The following LRRC8C variants were observed in gnomAD, a reference collection of about 807,000 sequenced individuals.
LRRC8C encodes the protein volume-regulated anion channel subunit LRRC8C.
LRRC8C carries 20 observed loss-of-function variants against 55.3 expected under a neutral mutation model. The ratio of observed to expected loss-of-function variants is 0.36; its 90% CI spans 0.25 to 0.53. The LOEUF (loss-of-function observed/expected upper bound fraction) is 0.53. Ranked by LOEUF, LRRC8C falls within the 20% of genes least tolerant of loss-of-function variation. The pLI, the probability that LRRC8C is intolerant of heterozygous loss-of-function variation, is 0.92. For missense variants in LRRC8C, 659 were observed against 951.4 expected (o/e 0.69, Z 4.04); for synonymous variants, 376 against 360.7 (o/e 1.04, Z -0.48).
At chr1:89,617,787 G>A in the LRRC8C span, among the ~76,000 whole-genome samples, 1 of 152,044 alleles carries the variant, frequency 6.6e-6, no homozygotes, top group Non-Finnish European at 1.5e-5. Flanking sequence ...ACCCTCTCAG[G>A]TTCAGTCACT....
At chr1:89,623,721 CA>C in the LRRC8C span, among the ~76,000 whole-genome samples, 5 of 141,924 alleles carry the variant, frequency 3.5e-5, no homozygotes, top group Non-Finnish European at 3.1e-5. Context: ...GACTCCATCT[CA>C]AAAAAAAAAG....
chr1:89,618,351 A>T, the LRRC8C span, among the ~76,000 whole-genome samples: 2 of 152,236 alleles, frequency 1.3e-5, no homozygotes, highest in African/African-American at 4.8e-5. Context: ...TCCTACTGAG[A>T]TTTACAAACC....
the LRRC8C span, among the ~76,000 whole-genome samples, chr1:89,625,691 C>A: frequency 3.3e-5 from 5 of 152,318 alleles, no homozygotes; most frequent in African/African-American, 1.2e-4. Flanking sequence ...ATGTGAGTAA[C>A]AAGAGCATCT....
intron 1 of LRRC8C, among the ~76,000 whole-genome samples, chr1:89,670,694 A>G (rs1657390817): frequency 6.6e-6 from 1 of 152,244 alleles, no homozygotes. Flanking sequence ...TAGCTTTTGA[A>G]TAGCAAGTTG....
chr1:89,699,257 G>A lies in LRRC8C; in HGVS notation c.138+12646G>A, dbSNP rs542531903. On this transcript the variant is annotated intron_variant, in intron 2 of 2. Transcript: ENST00000370454. ...GGGAGGGATAAGTAGGTATAGCTCA[G>A]AAGACTTTTAGGGCAGTGAAATGAC... Among the ~76,000 whole-genome samples the A allele has an allele frequency of 9.2e-5, 14 of 152,298 alleles. No individual in the cohort carries two copies. The East Asian group carries it at 2.7e-3, about 29-fold the overall frequency.
At chr1:89,711,585 C>T (rs1037680056) in intron 2 of LRRC8C, among the ~76,000 whole-genome samples, 1 of 152,174 alleles carries the variant, frequency 6.6e-6, no homozygotes, top group Non-Finnish European at 1.5e-5. Flanking sequence ...TAACATAGGC[C>T]TCCTCCTGAA....
At chr1:89,707,284 G>A (rs1658509075) in intron 2 of LRRC8C, among the ~76,000 whole-genome samples, 1 of 152,106 alleles carries the variant, frequency 6.6e-6, no homozygotes, top group African/African-American at 2.4e-5. Context: ...GCACACACCT[G>A]TAGTCCCAGC....
chr1:89,616,801 A>G, the LRRC8C span, among the ~76,000 whole-genome samples: 2 of 152,330 alleles, frequency 1.3e-5, no homozygotes, highest in Admixed American at 6.5e-5. Flanking sequence ...TTAACTTACT[A>G]TGAGATCTCA....
chr1:89,714,629 TACTTGG>T lies in LRRC8C; in HGVS notation c.2064_2069del (p.Asp689_Leu690del). ...CCTCTTCCTATGCAACAAGATCCGA[TACTTGG>T]ACTTATCGTACAATGACATTCGATT... On this transcript the variant is annotated inframe_deletion, in exon 3 of 3. Coordinates refer to ENST00000370454, the MANE Select transcript of LRRC8C (RefSeq NM_032270.5). This position sits in a 1 kb window ranked among gnomAD's most constrained non-coding sequence, Gnocchi z 4.6. 6.2e-7 allele frequency: 1 copy of T among 1,614,178 alleles called. No individual in the cohort carries two copies. Among genetic ancestry groups the T allele is most frequent in the East Asian group, 2.2e-5 (1 of 44,890 alleles).
intron 2 of LRRC8C, among the ~76,000 whole-genome samples, chr1:89,704,046 A>G (rs556914545): frequency 6.6e-6 from 1 of 152,266 alleles, no homozygotes; most frequent in Admixed American, 6.5e-5. Flanking sequence ...ATTAGATAGC[A>G]TTTAGCCCTC....
At chr1:89,699,065 C>T (rs114661114) in intron 2 of LRRC8C, among the ~76,000 whole-genome samples, 1,722 of 152,020 alleles carry the variant, frequency 0.011, 32 homozygotes, top group African/African-American at 0.038. Flanking sequence ...AAAAAATAAA[C>T]GGTCAAGCTA....
Position 89,716,503 on chromosome 1 carries a change from G to A in LRRC8C, c.*1521G>A, listed in dbSNP as rs1046207578. On this transcript the variant is annotated 3_prime_UTR_variant, in exon 3 of 3. Coordinates refer to ENST00000370454, the MANE Select transcript of LRRC8C (RefSeq NM_032270.5). Reference sequence around the variant, plus strand: ...AATAATTTTTGCCTGACCATCAGCAGAGCTTTTATTTACCTTTGTAATTAA... The same window carrying A: ...AATAATTTTTGCCTGACCATCAGCAAAGCTTTTATTTACCTTTGTAATTAA... 3 of 152,176 alleles carry A rather than the reference G, an allele frequency of 2.0e-5. No individual in the cohort carries two copies. Among genetic ancestry groups the A allele is most frequent in the Non-Finnish European group, 4.4e-5 (3 of 68,022 alleles). The allele number at this position is 152,176 out of a possible 1,614,324, so 9.4% of individuals were successfully genotyped here.
At chr1:89,662,784 C>T (rs930441807) in intron 1 of LRRC8C, among the ~76,000 whole-genome samples, 4 of 152,112 alleles carry the variant, frequency 2.6e-5, no homozygotes, top group Non-Finnish European at 4.4e-5. Flanking sequence ...ATTGTGTTTT[C>T]AGCCCCCGCC....
intron 1 of LRRC8C, among the ~76,000 whole-genome samples, chr1:89,681,036 G>T (rs1445234392): frequency 6.6e-6 from 1 of 152,184 alleles, no homozygotes; most frequent in African/African-American, 2.4e-5. Context: ...TTTGTAGCAA[G>T]TTGAAAATCA....
At chr1:89,642,825 C>T (rs549952277) in intron 1 of LRRC8C, among the ~76,000 whole-genome samples, 5 of 146,270 alleles carry the variant, frequency 3.4e-5, no homozygotes, top group East Asian at 4.1e-4. Context: ...CCAGCCTGGG[C>T]GACAGAGCAA....
At chr1:89,644,342 T>C (rs1480858509) in intron 1 of LRRC8C, among the ~76,000 whole-genome samples, 1 of 152,182 alleles carries the variant, frequency 6.6e-6, no homozygotes. Context: ...ACCCGGCTAA[T>C]GTTTTGTATA....
chr1:89,664,929 A>G (rs571871083), intron 1 of LRRC8C, among the ~76,000 whole-genome samples: 2 of 152,252 alleles, frequency 1.3e-5, no homozygotes, highest in Admixed American at 6.5e-5. Context: ...TTCACTCATG[A>G]TTTGGCTGTT....
chr1:89,685,101 C>CTTTTTTTT (rs11316114), intron 1 of LRRC8C, among the ~76,000 whole-genome samples: 19 of 76,186 alleles, frequency 2.5e-4, no homozygotes, highest in Non-Finnish European at 2.8e-4. Context: ...CTATCTAGTT[C>CTTTTTTTT]TTTTTTTTTT....
intron 2 of LRRC8C, among the ~76,000 whole-genome samples, chr1:89,695,770 ATCTT>A (rs1390442590): frequency 1.3e-5 from 2 of 152,214 alleles, no homozygotes; most frequent in African/African-American, 4.8e-5. Flanking sequence ...AAAAAACAAA[ATCTT>A]TCCCCAAAAC....
Sources: gnomAD v4.1 joint callset for allele counts (sites outside exome capture counted in the v4.1 genomes callset) on GRCh38, gnomAD v4.1.1 for gene constraint, Gnocchi (gnomAD v3.1) non-coding constraint, MANE v1.5 for transcripts, NCBI Gene and HGNC (gene_info 2026-07-23, HGNC 2026-07-21) for gene names.